Variants in APBB2 observed in about 807,000 individuals in gnomAD.
APBB2 encodes Fe65-like 1.
APBB2 carries 38 observed loss-of-function variants against 82.5 expected under a neutral mutation model. That is an observed-to-expected ratio of 0.46 (90% confidence interval 0.36 to 0.60). The LOEUF (loss-of-function observed/expected upper bound fraction) is 0.60. Ranked by LOEUF, APBB2 falls within the 20% of genes least tolerant of loss-of-function variation. The pLI, the probability that APBB2 is intolerant of heterozygous loss-of-function variation, is 0.00. For synonymous variants in APBB2, 341 were observed against 368.2 expected, an observed-to-expected ratio of 0.93 and a Z score of 0.85; for missense variants, 772 against 972.3, an observed-to-expected ratio of 0.79 and a Z score of 2.74.
Position 40,965,506 on chromosome 4 carries a change from A to T in APBB2, c.836-20433T>A, listed in dbSNP as rs112187981. 2.3e-3 allele frequency among the ~76,000 whole-genome samples: 345 copies of T among 152,296 alleles called. 1 individual carries two copies. Among genetic ancestry groups the T allele is most frequent in the African/African-American group, 7.8e-3 (326 of 41,568 alleles). On this transcript the variant is annotated intron_variant, in intron 6 of 17. Transcript: ENST00000508593. Reference sequence around the variant, plus strand: ...GAGCATATTAAACGTGTCTAGTCCAAATTGAGATGTGCTGTCAGTATAAAA... The same window carrying T: ...GAGCATATTAAACGTGTCTAGTCCATATTGAGATGTGCTGTCAGTATAAAA...
chr4:40,933,468 C>T (rs1784702135), intron 10 of APBB2, among the ~76,000 whole-genome samples: 1 of 152,106 alleles, frequency 6.6e-6, no homozygotes, highest in Non-Finnish European at 1.5e-5. Context: ...GCCTGGACTG[C>T]GGGTAGGCAA....
intron 5 of APBB2, 27 bp from the exon 6 acceptor site, chr4:41,014,425 C>A (rs16852697): frequency 0.021 from 33,101 of 1,595,902 alleles, 781 homozygotes; most frequent in African/African-American, 0.13. Flanking sequence ...TCATTAGACA[C>A]CTGCCATGAT....
chr4:41,098,764 T>C (rs966220407), intron 3 of APBB2, among the ~76,000 whole-genome samples: 1 of 152,242 alleles, frequency 6.6e-6, no homozygotes, highest in Non-Finnish European at 1.5e-5. Flanking sequence ...GCAGCTTAAG[T>C]AGCTTACTTT....
chr4:40,953,071 G>A (rs1477180829), intron 6 of APBB2, among the ~76,000 whole-genome samples: 2 of 152,034 alleles, frequency 1.3e-5, no homozygotes, highest in Non-Finnish European at 2.9e-5. Context: ...AAGGAGGGTG[G>A]ATCACCTGAA....
chr4:40,843,239 G>A (rs553015772), intron 12 of APBB2, among the ~76,000 whole-genome samples: 18 of 152,200 alleles, frequency 1.2e-4, no homozygotes, highest in Non-Finnish European at 2.2e-4. Context: ...ACAGAAACCC[G>A]TTCTCTCGGG....
rs189934433 is a variant in APBB2, at chr4:40,897,173, T to C, written c.1255-3762A>G. 1.6e-3 allele frequency among the ~76,000 whole-genome samples: 245 copies of C among 152,354 alleles called. 1 individual carries two copies. Among genetic ancestry groups the C allele is most frequent in the Non-Finnish European group, 1.0e-3 (68 of 68,030 alleles). ...CAGAGTATCATTCTTAGCTAAAATA[T>C]GCAAATCACCCGACCTCACCCCAGC... On this transcript the variant is annotated intron_variant, in intron 10 of 17. Coordinates refer to ENST00000508593, the MANE Select transcript of APBB2 (RefSeq NM_004307.2).
intron 4 of APBB2, among the ~76,000 whole-genome samples, chr4:41,064,847 C>T (rs973503334): frequency 6.6e-6 from 1 of 152,170 alleles, no homozygotes; most frequent in African/African-American, 2.4e-5. Context: ...GGGGACCTCT[C>T]TTCTGGGTCC....
intron 3 of APBB2, among the ~76,000 whole-genome samples, chr4:41,087,634 C>T (rs181820518): frequency 2.6e-5 from 4 of 151,430 alleles, no homozygotes; most frequent in Non-Finnish European, 5.9e-5. Flanking sequence ...TTCACCATGA[C>T]GGCCAGTTGG....
At chr4:41,057,447 G>A (rs140719389) in intron 4 of APBB2, among the ~76,000 whole-genome samples, 404 of 152,208 alleles carry the variant, frequency 2.7e-3, no homozygotes, top group Middle Eastern at 6.8e-3. Context: ...GTAAGACTCC[G>A]TCTCAAAAAC....
At chr4:40,840,830 G>A (rs1262365357) in intron 12 of APBB2, among the ~76,000 whole-genome samples, 1 of 152,106 alleles carries the variant, frequency 6.6e-6, no homozygotes, top group African/African-American at 2.4e-5. Flanking sequence ...TTAATATTCA[G>A]AGCAACTGCC....
chr4:40,822,288 G>A (rs985572702), intron 16 of APBB2: 7 of 501,206 alleles, frequency 1.4e-5, no homozygotes, highest in Non-Finnish European at 2.5e-5. Context: ...TGTGATGTGG[G>A]TCCCATTCTC....
intron 16 of APBB2, 90 bp from the exon 17 acceptor site, chr4:40,822,140 T>G: frequency 6.8e-7 from 1 of 1,460,828 alleles, no homozygotes; most frequent in South Asian, 1.2e-5. Flanking sequence ...TCAGAAAGTA[T>G]AGCCAGGCCG....
chr4:40,836,078 G>A (rs543889038), intron 12 of APBB2, among the ~76,000 whole-genome samples: 1 of 152,284 alleles, frequency 6.6e-6, no homozygotes, highest in Non-Finnish European at 1.5e-5. Context: ...GGCCCACCAA[G>A]CAGGTGGGTG....
Position 41,014,354 on chromosome 4 carries a change from C to T in APBB2, c.64G>A (p.Gly22Arg), listed in dbSNP as rs575564734. Reference protein sequence around the residue: ...DTLAVFMASSGTTDVTNRNSP... With the variant: ...DTLAVFMASSRTTDVTNRNSP... The stretch of plus-strand genomic sequence containing the variant: ...TTCCGATTTGTGACGTCTGTAGTTC[C>T]GCTGCTGGCCATAAACACTGCCAAG... Residue 22 changes from glycine (G) to arginine (R), a missense_variant, in exon 6 of 18, where the codon GGA becomes AGA. Transcript: ENST00000508593. 3.1e-6 allele frequency: 5 copies of T among 1,613,972 alleles called. No individual in the cohort carries two copies. The highest frequency in any genetic ancestry group is 1.3e-5 in the African/African-American group (1 of 74,968).
intron 1 of APBB2, among the ~76,000 whole-genome samples, chr4:41,175,037 A>G (rs1210116806): frequency 2.0e-5 from 3 of 152,162 alleles, no homozygotes; most frequent in Non-Finnish European, 4.4e-5. Flanking sequence ...TTCCTCTACC[A>G]TGAGTATTAT....
At chr4:40,992,177 T>A (rs1579066160) in intron 6 of APBB2, among the ~76,000 whole-genome samples, 1 of 51,954 alleles carries the variant, frequency 1.9e-5, no homozygotes, top group South Asian at 8.5e-4. Flanking sequence ...TTTTTGTTTG[T>A]TGCTTGTTTT....
At chr4:41,214,234 G>C (rs1419444036) in intron 1 of APBB2, among the ~76,000 whole-genome samples, 171 bp downstream of exon 1, 2 of 152,294 alleles carry the variant, frequency 1.3e-5, no homozygotes, top group East Asian at 3.9e-4. Context: ...TGTGGCTGCG[G>C]CTGAGCGGGC....
intron 2 of APBB2, among the ~76,000 whole-genome samples, chr4:41,123,182 T>C (rs891045867): frequency 1.3e-5 from 2 of 151,956 alleles, no homozygotes; most frequent in Admixed American, 6.6e-5. Context: ...TCTCCTCCTA[T>C]GAGAATGTAG....
At chr4:40,867,363 G>A (rs1764277157) in intron 12 of APBB2, among the ~76,000 whole-genome samples, 1 of 152,158 alleles carries the variant, frequency 6.6e-6, no homozygotes, top group African/African-American at 2.4e-5. Context: ...TATCTTCAGA[G>A]CATTTTTCAT....
Sources: allele counts gnomAD v4.1 joint callset (sites outside exome capture counted in the v4.1 genomes callset), GRCh38; gene constraint gnomAD v4.1.1; transcripts MANE v1.5; gene names NCBI Gene and HGNC (gene_info 2026-07-23, HGNC 2026-07-21).